The following KCNB2 variants were observed in gnomAD, a reference collection of about 807,000 sequenced individuals.
The protein encoded by KCNB2 is potassium voltage-gated channel subfamily B member 2, also known as delayed rectifier potassium channel protein.
Under a neutral mutation model 61.5 loss-of-function variants are expected in KCNB2, and 15 were observed. The ratio of observed to expected loss-of-function variants is 0.24; its 90% CI spans 0.16 to 0.38. KCNB2 has a LOEUF of 0.38. Among genes scored for constraint, KCNB2 ranks in the 10% least tolerant of loss-of-function variants. The probability of loss-of-function intolerance (pLI) is 1.00; values close to 1 mark genes in which losing one functional copy is unlikely to be tolerated. For missense variants in KCNB2, 828 were observed against 1,125.2 expected (o/e 0.74, Z 3.78); for synonymous variants, 457 against 446.0 (o/e 1.02, Z -0.31).
chr8:72,698,524 T>A (rs1807057141), intron 2 of KCNB2, among the ~76,000 whole-genome samples: 1 of 152,114 alleles, frequency 6.6e-6, no homozygotes, highest in Non-Finnish European at 1.5e-5. Flanking sequence ...CTAAATTTCA[T>A]ATGGAACTGA....
intron 2 of KCNB2, among the ~76,000 whole-genome samples, chr8:72,913,938 A>C (rs2129007666): frequency 6.6e-6 from 1 of 152,236 alleles, no homozygotes; most frequent in East Asian, 1.9e-4. Context: ...TAGGAGAAAG[A>C]GTTCAGAAAG....
rs1300761765 is a variant in KCNB2 at position 72,561,741 on chromosome 8, ATATATG to A, written c.-93-5895_-93-5890del. Among the ~76,000 whole-genome samples the A allele has an allele frequency of 4.9e-3, 131 of 26,858 alleles. 7 individuals carry two copies. Among genetic ancestry groups the A allele is most frequent in the African/African-American group, 0.031 (113 of 3,602 alleles). The allele number at this position is 26,858 out of a possible 152,430, so 17.6% of individuals were successfully genotyped here. ...TATATATATATATCTATATCTATAT[ATATATG>A]TATATATATATATGGATATATATAT... On this transcript the variant is annotated intron_variant, in intron 1 of 2. Transcript: ENST00000523207.
At chr8:72,666,343 G>A (rs1020447352) in intron 2 of KCNB2, among the ~76,000 whole-genome samples, 2 of 151,978 alleles carry the variant, frequency 1.3e-5, no homozygotes, top group Admixed American at 1.3e-4. Flanking sequence ...AGGGAAAAAA[G>A]GCCCTTCCAC....
At chr8:72,935,541 G>A (rs1190861008) in intron 2 of KCNB2, among the ~76,000 whole-genome samples, 3 of 152,138 alleles carry the variant, frequency 2.0e-5, no homozygotes, top group Admixed American at 1.3e-4. Context: ...CACCAATTCT[G>A]TCTAGCTTAC....
At chr8:72,753,139 G>T (rs1808227443) in intron 2 of KCNB2, among the ~76,000 whole-genome samples, 1 of 152,168 alleles carries the variant, frequency 6.6e-6, no homozygotes, top group South Asian at 2.1e-4. Flanking sequence ...AGCAAACCTG[G>T]ATCTTTGAAT....
At chr8:72,581,519 A>G (rs893222745) in intron 2 of KCNB2, among the ~76,000 whole-genome samples, 1 of 152,244 alleles carries the variant, frequency 6.6e-6, no homozygotes, top group Non-Finnish European at 1.5e-5. Context: ...GAATAACAGC[A>G]AAACTAAATG....
chr8:72,861,218 G>C (rs1368206617), intron 2 of KCNB2, among the ~76,000 whole-genome samples: 2 of 152,138 alleles, frequency 1.3e-5, no homozygotes, highest in Admixed American at 6.5e-5. Context: ...CTACACATTT[G>C]CTAATGTCCC....
At chr8:72,583,913 T>A (rs1230470022) in intron 2 of KCNB2, among the ~76,000 whole-genome samples, 10 of 136,020 alleles carry the variant, frequency 7.4e-5, no homozygotes, top group Non-Finnish European at 1.1e-4. Context: ...CTATCTTTCA[T>A]AATTTAGATT....
At chr8:72,842,067 C>T (rs960837826) in intron 2 of KCNB2, among the ~76,000 whole-genome samples, 2 of 152,168 alleles carry the variant, frequency 1.3e-5, no homozygotes, top group African/African-American at 4.8e-5. Flanking sequence ...GTGGGTTTGT[C>T]ACAAATAGCT....
At position 72,731,141 on chromosome 8, in the gene KCNB2, G is replaced by A. The variant is rs549579488; in HGVS notation, c.579+162828G>A. ...TCTATAAAGGTGGATTGGATGGAAGGGTGAGTGAGTGAGTGGGGAAGATGG... is the reference window on the plus strand; with the variant it reads ...TCTATAAAGGTGGATTGGATGGAAGAGTGAGTGAGTGAGTGGGGAAGATGG... On this transcript the variant is annotated intron_variant, in intron 2 of 2. Coordinates refer to ENST00000523207, the MANE Select transcript of KCNB2 (RefSeq NM_004770.3). 3.3e-5 allele frequency among the ~76,000 whole-genome samples: 5 copies of A among 152,246 alleles called. No individual in the cohort carries two copies. In the South Asian group the frequency reaches 8.3e-4, roughly 25 times the overall value.
intron 2 of KCNB2, among the ~76,000 whole-genome samples, chr8:72,763,049 A>T (rs1266895156): frequency 3.0e-5 from 2 of 66,898 alleles, no homozygotes; most frequent in Non-Finnish European, 6.7e-5. Flanking sequence ...CAAAGTAAAA[A>T]AAAAAAAAAA....
rs1164617108 is a variant in KCNB2, at chr8:72,938,141, G to A, written c.*50G>A. On this transcript the variant is annotated 3_prime_UTR_variant, in exon 3 of 3. Transcript: ENST00000523207. Reference sequence around the variant, plus strand: ...AACAAAACAAAACAAAACAAAACTTGTTTCTTAAAAATGCGGTTAATAATG... The same window carrying A: ...AACAAAACAAAACAAAACAAAACTTATTTCTTAAAAATGCGGTTAATAATG... The A allele has an allele frequency of 6.9e-7, 1 of 1,441,602 alleles. No individual in the cohort carries two copies. Among genetic ancestry groups the A allele is most frequent in the Non-Finnish European group, 9.4e-7 (1 of 1,060,402 alleles). 89.3% of individuals were successfully genotyped at this position (1,441,602 alleles called of 1,614,324 possible). A position where few individuals can be genotyped will look rare whatever the true frequency, so the allele number is the denominator to read the frequency against.
At chr8:72,545,577 A>G (rs143536973) in intron 1 of KCNB2, among the ~76,000 whole-genome samples, 59 of 152,120 alleles carry the variant, frequency 3.9e-4, no homozygotes, top group African/African-American at 1.4e-3. Context: ...CTATTCCCAC[A>G]TCTCTCTCCC....
chr8:72,634,417 TA>T (rs1490631611), intron 2 of KCNB2, among the ~76,000 whole-genome samples: 2 of 152,192 alleles, frequency 1.3e-5, no homozygotes, highest in East Asian at 3.9e-4. Context: ...TTCATATTTC[TA>T]ACCACTTCCC....
chr8:72,696,113 G>C (rs1807015511), intron 2 of KCNB2, among the ~76,000 whole-genome samples: 1 of 152,188 alleles, frequency 6.6e-6, no homozygotes, highest in Non-Finnish European at 1.5e-5. Context: ...TGATAAATCT[G>C]ATGGTTTTTG....
intron 2 of KCNB2, among the ~76,000 whole-genome samples, chr8:72,896,164 G>A (rs1182467101): frequency 6.6e-6 from 1 of 152,082 alleles, no homozygotes; most frequent in East Asian, 1.9e-4. Flanking sequence ...AGTGGCTATT[G>A]ATATTTAATA....
chr8:72,745,414 C>T (rs892160915), intron 2 of KCNB2, among the ~76,000 whole-genome samples: 1 of 152,166 alleles, frequency 6.6e-6, no homozygotes, highest in South Asian at 2.1e-4. Context: ...GACCAACTGG[C>T]CACAAATTCA....
intron 2 of KCNB2, among the ~76,000 whole-genome samples, chr8:72,629,330 C>T (rs1283507250): frequency 6.6e-6 from 1 of 152,212 alleles, no homozygotes. Context: ...TTCCATCAGT[C>T]AGGTAAGCTC....
chr8:72,763,550 A>C (rs1808418875), intron 2 of KCNB2, among the ~76,000 whole-genome samples: 1 of 152,302 alleles, frequency 6.6e-6, no homozygotes, highest in African/African-American at 2.4e-5. Flanking sequence ...TGAAACACAA[A>C]ACCCAAGGAG....
Sources: gnomAD v4.1 joint callset for allele counts (sites outside exome capture counted in the v4.1 genomes callset) on GRCh38, gnomAD v4.1.1 for gene constraint, MANE v1.5 for transcripts, NCBI Gene and HGNC (gene_info 2026-07-23, HGNC 2026-07-21) for gene names.